Variants in LTBP1 observed in about 807,000 individuals in gnomAD.
LTBP1 encodes the protein latent transforming growth factor beta binding protein 1.
A neutral mutation model predicts 207.6 loss-of-function variants in LTBP1; 129 were observed. The ratio of observed to expected loss-of-function variants is 0.62; its 90% CI spans 0.54 to 0.72. The LOEUF (loss-of-function observed/expected upper bound fraction) is 0.72, where lower values mean the gene tolerates loss of function less well. Ranked by LOEUF, LTBP1 falls within the 30% of genes least tolerant of loss-of-function variation. LTBP1 has a pLI of 0.00. For synonymous variants in LTBP1, 963 were observed against 833.7 expected (o/e 1.16, Z -2.67); for missense variants, 2,281 against 2,217.2 (o/e 1.03, Z -0.58).
intron 2 of LTBP1, among the ~76,000 whole-genome samples, chr2:32,981,595 A>T (rs1014475788): frequency 1.3e-4 from 20 of 152,192 alleles, no homozygotes; most frequent in African/African-American, 4.8e-4. Flanking sequence ...TTTTTAGAAC[A>T]ATAAAACTAC....
chr2:33,153,818 A>G (rs552049185), intron 5 of LTBP1, among the ~76,000 whole-genome samples: 197 of 152,352 alleles, frequency 1.3e-3, no homozygotes, highest in African/African-American at 4.6e-3. Context: ...TTAGCAGTCA[A>G]AATACAGCCT....
intron 4 of LTBP1, among the ~76,000 whole-genome samples, chr2:33,116,462 G>T (rs1291506042): frequency 6.6e-6 from 1 of 152,102 alleles, no homozygotes; most frequent in Admixed American, 6.5e-5. Context: ...TATAGCTCTG[G>T]CTCTTAAAAA....
intron 2 of LTBP1, among the ~76,000 whole-genome samples, chr2:33,013,666 C>G (rs1573089677): frequency 6.6e-6 from 1 of 152,042 alleles, no homozygotes; most frequent in East Asian, 1.9e-4. Context: ...TATTACAGGA[C>G]TTGTGATTTA....
chr2:33,053,803 G>T (rs896671837), intron 3 of LTBP1, among the ~76,000 whole-genome samples: 1 of 152,192 alleles, frequency 6.6e-6, no homozygotes, highest in Non-Finnish European at 1.5e-5. Flanking sequence ...TTGTACCCTT[G>T]ATTAGCTAGA....
intron 1 of LTBP1, among the ~76,000 whole-genome samples, chr2:32,948,313 G>T (rs1194266798): frequency 1.3e-5 from 2 of 152,226 alleles, no homozygotes; most frequent in African/African-American, 4.8e-5. Flanking sequence ...CGCTGCACCT[G>T]TGGGGTCTGC....
At chr2:33,317,988 A>C (rs962180903) in intron 24 of LTBP1, 4 of 152,130 alleles carry the variant, frequency 2.6e-5, no homozygotes, top group Non-Finnish European at 5.9e-5. Flanking sequence ...TCATCTGTAA[A>C]TCCAAAATCT....
At chr2:33,027,570 C>G (rs1178076339) in intron 3 of LTBP1, among the ~76,000 whole-genome samples, 4 of 152,168 alleles carry the variant, frequency 2.6e-5, no homozygotes, top group Non-Finnish European at 5.9e-5. Flanking sequence ...GGCGCAGTAG[C>G]TCACACCTGT....
intron 3 of LTBP1, among the ~76,000 whole-genome samples, chr2:33,042,678 T>A (rs1248874411): frequency 3.3e-5 from 5 of 152,208 alleles, no homozygotes; most frequent in Admixed American, 3.3e-4. Flanking sequence ...TTTCTGTCAC[T>A]GAAGATGAGG....
In LTBP1 at chr2:33,215,716, G is replaced by GTTTTTTTTTTTTTTTT. The variant is rs1287189048; in HGVS notation, c.1702-1830_1702-1829insTTTTTTTTTTTTTTTT. Among the ~76,000 whole-genome samples the GTTTTTTTTTTTTTTTT allele has an allele frequency of 2.2e-5, 3 of 139,068 alleles. 1 individual carries two copies. The highest frequency in any genetic ancestry group is 8.1e-5 in the African/African-American group (3 of 37,004). The allele number at this position is 139,068 out of a possible 152,430, so 91.2% of individuals were successfully genotyped here. On this transcript the variant is annotated intron_variant, in intron 7 of 33. Transcript: ENST00000404816. The stretch of plus-strand genomic sequence containing the variant: ...GCTAAACTTCCATTGGTTTTCTTTT[G>GTTTTTTTTTTTTTTTT]TTTTTTGTTTTTTTTTTTTGAGATA...
chr2:33,345,569 C>T lies in LTBP1; in HGVS notation c.3857-1798C>T, dbSNP rs182635232. The stretch of plus-strand genomic sequence containing the variant: ...GTTTTTCTGGTCTCAATATGACTGT[C>T]GGTTGATTAAATATTTCAACTCTGC... On this transcript the variant is annotated intron_variant, in intron 25 of 33. Coordinates refer to ENST00000404816, the MANE Select transcript of LTBP1 (RefSeq NM_206943.4). Among the ~76,000 whole-genome samples, 165 of 152,284 alleles carry T rather than the reference C, an allele frequency of 1.1e-3. 4 individuals are homozygous for T. The highest frequency in any genetic ancestry group is 9.9e-3 in the Admixed American group (151 of 15,306).
At position 32,970,094 on chromosome 2, in the gene LTBP1, T is replaced by C. The variant is rs375876996; in HGVS notation, c.565+21149T>C. 4.9e-4 allele frequency among the ~76,000 whole-genome samples: 75 copies of C among 152,356 alleles called. No individual in the cohort carries two copies. The South Asian group carries it at 0.015, about 31-fold the overall frequency. Reference sequence around the variant, plus strand: ...TAAAAAAATGTCTGTTCATTTCCTTTGCCCATTCTTTAATGGGATTGTTTG... The same window carrying C: ...TAAAAAAATGTCTGTTCATTTCCTTCGCCCATTCTTTAATGGGATTGTTTG... On this transcript the variant is annotated intron_variant, in intron 2 of 33. Transcript: ENST00000404816.
intron 5 of LTBP1, among the ~76,000 whole-genome samples, chr2:33,164,981 C>T (rs1043696339): frequency 2.0e-5 from 3 of 152,206 alleles, no homozygotes; most frequent in Non-Finnish European, 2.9e-5. Flanking sequence ...GCCTCAAAAT[C>T]GAAAGAAGGA....
intron 24 of LTBP1, among the ~76,000 whole-genome samples, chr2:33,330,290 A>G (rs990400417): frequency 4.6e-5 from 7 of 152,000 alleles, no homozygotes; most frequent in African/African-American, 7.2e-5. Context: ...CATCTCCCAC[A>G]TATACAATTA....
chr2:33,279,159 T>C (rs2093506147), intron 18 of LTBP1, among the ~76,000 whole-genome samples: 1 of 152,240 alleles, frequency 6.6e-6, no homozygotes, highest in Non-Finnish European at 1.5e-5. Flanking sequence ...AATCCACTCA[T>C]ATAAATTCAA....
rs780050467 is a variant in LTBP1, at chr2:33,134,827, T to C, written c.1068T>C (p.Phe356=). ...ACACTGGCCGCATCAAGGTGGTCTT[T>C]ACTCCGAGCATCTGTAAAGTGACCT... is the stretch of plus-strand genomic sequence containing the variant. The part of the protein sequence containing the change: ...SNHTGRIKVV[F]TPSICKVTCT... The change falls in exon 5 of 34, where the codon TTT becomes TTC. Residue 356 remains phenylalanine, a synonymous_variant. Coordinates refer to ENST00000404816, the MANE Select transcript of LTBP1 (RefSeq NM_206943.4). The surrounding 1 kb of genome is among the most constrained non-coding windows in gnomAD (Gnocchi z 4.4). 4.3e-6 allele frequency: 7 copies of C among 1,614,072 alleles called. No homozygotes were observed. The East Asian group carries it at 1.3e-4, about 31-fold the overall frequency.
chr2:33,293,301 T>C lies in LTBP1; in HGVS notation c.3235+19T>C. The C allele has an allele frequency of 6.3e-7, 1 of 1,576,714 alleles. No homozygotes were observed. On this transcript the variant is annotated intron_variant, in intron 20 of 33. Transcript: ENST00000404816. ...TGTAGAGGTAAATACTGTGATCAAG[T>C]TTCCCATTTTTATTTAAACTTCATT...
At chr2:33,115,261 C>T (rs2080676069) in intron 4 of LTBP1, among the ~76,000 whole-genome samples, 1 of 152,060 alleles carries the variant, frequency 6.6e-6, no homozygotes, top group Admixed American at 6.6e-5. Flanking sequence ...AGACTACATG[C>T]TATATGAGTC....
At chr2:32,960,973 C>T (rs1449633931) in intron 2 of LTBP1, among the ~76,000 whole-genome samples, 1 of 152,102 alleles carries the variant, frequency 6.6e-6, no homozygotes, top group East Asian at 1.9e-4. Flanking sequence ...GACTGTACAA[C>T]ACAAGCACAG....
Position 33,363,450 on chromosome 2 carries a change from C to T in LTBP1, c.4331C>T (p.Thr1444Ile). The T allele has an allele frequency of 6.2e-7, 1 of 1,613,920 alleles. No individual in the cohort carries two copies. The highest frequency in any genetic ancestry group is 1.1e-5 in the South Asian group (1 of 91,066). Residue 1444 changes from threonine (T) to isoleucine (I), a missense_variant, in exon 29 of 34, where the codon ACT (threonine) becomes ATT (isoleucine). By Grantham distance (89) the Thr-to-Ile change is moderately conservative. Around this residue, in one of 3 missense-constraint regions of LTBP1, gnomAD observed 1,671 missense variants for 1,634.8 expected, o/e 1.02. Coordinates refer to ENST00000404816, the MANE Select transcript of LTBP1 (RefSeq NM_206943.4). ...EICKNGFCLNTRPGYECYCKQ... is the reference protein window; with the variant it reads ...EICKNGFCLNIRPGYECYCKQ... ...TGCAAAAATGGTTTCTGTTTGAACA[C>T]TCGGCCTGGGTATGAATGCTACTGT...
Sources: allele counts gnomAD v4.1 joint callset (sites outside exome capture counted in the v4.1 genomes callset), GRCh38; gene constraint gnomAD v4.1.1; regional missense constraint gnomAD v4.1.1; non-coding constraint Gnocchi (gnomAD v3.1); transcripts MANE v1.5; gene names NCBI Gene and HGNC (gene_info 2026-07-23, HGNC 2026-07-21).